The following SSH2 variants were observed in gnomAD, a reference collection of about 807,000 sequenced individuals.
SSH2 encodes protein phosphatase Slingshot homolog 2.
A neutral mutation model predicts 135.2 loss-of-function variants in SSH2; 37 were observed. That is an observed-to-expected ratio of 0.27 (90% CI 0.21 to 0.36). The LOEUF (loss-of-function observed/expected upper bound fraction) is 0.36, where lower values mean the gene tolerates loss of function less well. Ranked by LOEUF, SSH2 falls within the 10% of genes least tolerant of loss-of-function variation. SSH2 has a pLI of 1.00. For missense variants in SSH2, 1,408 were observed against 1,765.3 expected, an observed-to-expected ratio of 0.80 and a Z score of 3.63; for synonymous variants, 628 against 646.2, an observed-to-expected ratio of 0.97 and a Z score of 0.43.
chr17:29,681,215 G>T (rs749930409), intron 6 of SSH2, among the ~76,000 whole-genome samples: 5 of 150,864 alleles, frequency 3.3e-5, no homozygotes, highest in African/African-American at 4.9e-5. Context: ...TGCGCCTGTA[G>T]TCCCAGCTGC....
intron 1 of SSH2, among the ~76,000 whole-genome samples, chr17:29,884,544 C>G (rs2066198560): frequency 1.3e-5 from 2 of 152,128 alleles, no homozygotes; most frequent in African/African-American, 4.8e-5. Flanking sequence ...GGATATCTTA[C>G]TGCCTAATTG....
chr17:29,733,206 A>C (rs1322334503), intron 3 of SSH2, among the ~76,000 whole-genome samples: 4 of 152,218 alleles, frequency 2.6e-5, no homozygotes, highest in Non-Finnish European at 4.4e-5. Context: ...CAAACAAATA[A>C]AAAACAAAAC....
intron 3 of SSH2, among the ~76,000 whole-genome samples, chr17:29,760,727 A>T (rs997634900): frequency 7.0e-5 from 10 of 142,462 alleles, no homozygotes; most frequent in African/African-American, 1.3e-4. Context: ...TAGAAACTTT[A>T]AAAAAAAAAA....
At chr17:29,717,746 TG>T (rs1480568326) in intron 3 of SSH2, among the ~76,000 whole-genome samples, 2 of 151,842 alleles carry the variant, frequency 1.3e-5, no homozygotes, top group African/African-American at 4.8e-5. Context: ...TTAAAGGCAG[TG>T]GGGGGAGCTA....
Position 29,769,179 on chromosome 17 carries a change from G to A in SSH2, c.188+24715C>T, listed in dbSNP as rs145984002. The stretch of plus-strand genomic sequence containing the variant: ...TAAATAATTTGCCTAAGCTTATACA[G>A]CAGTATTTCAAATCCAGCCAGTTAT... On this transcript the variant is annotated intron_variant, in intron 3 of 15. Coordinates refer to ENST00000540801, the MANE Select transcript of SSH2 (RefSeq NM_001282129.2). 3.4e-3 allele frequency among the ~76,000 whole-genome samples: 521 copies of A among 152,248 alleles called. 1 individual carries two copies. Among genetic ancestry groups the A allele is most frequent in the Non-Finnish European group, 6.0e-3 (407 of 68,000 alleles).
intron 6 of SSH2, among the ~76,000 whole-genome samples, chr17:29,679,411 T>TA (rs1326661583): frequency 6.6e-6 from 1 of 151,908 alleles, no homozygotes; most frequent in Non-Finnish European, 1.5e-5. Flanking sequence ...ATTTTTATTT[T>TA]TTTTTTTATT....
At chr17:29,832,092 C>T (rs1166575653) in intron 2 of SSH2, among the ~76,000 whole-genome samples, 1 of 152,178 alleles carries the variant, frequency 6.6e-6, no homozygotes, top group Non-Finnish European at 1.5e-5. Context: ...GTATTTCAAT[C>T]ATTTTACTTA....
chr17:29,852,557 T>A (rs1261747736), intron 1 of SSH2, among the ~76,000 whole-genome samples: 2 of 151,194 alleles, frequency 1.3e-5, no homozygotes, highest in African/African-American at 4.9e-5. Context: ...CCTGGTAATT[T>A]TTTTTTTTTT....
At chr17:29,634,786 C>T (rs1041766222) in intron 15 of SSH2, among the ~76,000 whole-genome samples, 2 of 151,754 alleles carry the variant, frequency 1.3e-5, no homozygotes, top group African/African-American at 4.8e-5. Context: ...CTCTTGACCT[C>T]GTGATCTGGC....
chr17:29,790,706 G>A (rs2042048996), intron 3 of SSH2, among the ~76,000 whole-genome samples: 2 of 151,620 alleles, frequency 1.3e-5, no homozygotes, highest in Admixed American at 1.3e-4. Context: ...AGCCATCATA[G>A]TTTGGTCTAA....
At chr17:29,893,837 T>A (rs768927511) in intron 1 of SSH2, among the ~76,000 whole-genome samples, 12 of 152,160 alleles carry the variant, frequency 7.9e-5, no homozygotes, top group Non-Finnish European at 1.5e-4. Context: ...ACTATTAAAT[T>A]CTTCCATCCC....
rs546138051 is a variant in SSH2 at position 29,755,544 on chromosome 17, C to G, written c.188+38350G>C. Among the ~76,000 whole-genome samples, 5 of 152,020 alleles carry G rather than the reference C, an allele frequency of 3.3e-5. No individual in the cohort carries two copies. In the East Asian group the frequency reaches 9.6e-4, roughly 29 times the overall value. On this transcript the variant is annotated intron_variant, in intron 3 of 15. Coordinates refer to ENST00000540801, the MANE Select transcript of SSH2 (RefSeq NM_001282129.2). ...TAACACAGTTGAAAGTAATAAGAGC[C>G]TATGAAATTACCAAAATAGATGCCC...
intron 4 of SSH2, among the ~76,000 whole-genome samples, chr17:29,696,161 G>A (rs1045495675): frequency 1.5e-5 from 2 of 132,634 alleles, no homozygotes; most frequent in Admixed American, 1.6e-4. Flanking sequence ...TATAATGAGA[G>A]TATGTATATA....
chr17:29,748,934 G>T (rs1245809065), intron 3 of SSH2, among the ~76,000 whole-genome samples: 2 of 152,090 alleles, frequency 1.3e-5, no homozygotes, highest in East Asian at 3.8e-4. Context: ...TATGTTAAAT[G>T]AATAACGCAA....
At chr17:29,855,021 G>A (rs1296300041) in intron 1 of SSH2, among the ~76,000 whole-genome samples, 3 of 152,150 alleles carry the variant, frequency 2.0e-5, no homozygotes, top group Non-Finnish European at 4.4e-5. Flanking sequence ...TTACTGTTAA[G>A]TCTCTTTTAC....
chr17:29,882,037 A>G (rs561253232), intron 1 of SSH2, among the ~76,000 whole-genome samples: 4 of 152,322 alleles, frequency 2.6e-5, no homozygotes, highest in African/African-American at 9.6e-5. Flanking sequence ...ACAGAACTCA[A>G]TGGCTGAAAG....
chr17:29,883,012 T>C (rs2066167459), intron 1 of SSH2: 1 of 152,108 alleles, frequency 6.6e-6, no homozygotes, highest in Admixed American at 6.6e-5. Context: ...TAGAATCCTT[T>C]TGTGATTCAT....
intron 1 of SSH2, among the ~76,000 whole-genome samples, chr17:29,874,982 G>A (rs1002885557): frequency 3.9e-5 from 6 of 152,014 alleles, no homozygotes; most frequent in East Asian, 1.9e-4. Context: ...ACTATTTGCC[G>A]GTGAATCCCA....
At chr17:29,890,513 T>C (rs1016385932) in intron 1 of SSH2, among the ~76,000 whole-genome samples, 3 of 152,158 alleles carry the variant, frequency 2.0e-5, no homozygotes, top group African/African-American at 4.8e-5. Context: ...TTGAAAACAT[T>C]ATGCTAACTG....
Sources: gnomAD v4.1 joint callset for allele counts (sites outside exome capture counted in the v4.1 genomes callset) on GRCh38, gnomAD v4.1.1 for gene constraint, MANE v1.5 for transcripts, NCBI Gene and HGNC (gene_info 2026-07-23, HGNC 2026-07-21) for gene names.